Variants in IQCE observed in about 807,000 individuals in gnomAD.
The protein encoded by IQCE is IQ domain-containing protein E.
IQCE carries 115 observed loss-of-function variants against 96.0 expected under a neutral mutation model. That is an observed-to-expected ratio of 1.20 (90% CI 1.03 to 1.40). IQCE has a LOEUF of 1.40. IQCE is among the 40% of genes most tolerant of loss of function. The probability of loss-of-function intolerance (pLI) is 0.00; values close to 1 mark genes in which losing one functional copy is unlikely to be tolerated. For missense variants in IQCE, 1,041 were observed against 909.1 expected, an observed-to-expected ratio of 1.15 and a Z score of -1.87; for synonymous variants, 412 against 371.2, an observed-to-expected ratio of 1.11 and a Z score of -1.26.
chr7:2,598,504 TGCGA>T lies in IQCE; in HGVS notation c.1483_1486del (p.Glu495LysfsTer68). The T allele has an allele frequency of 1.9e-6, 3 of 1,607,046 alleles. No homozygotes were observed. The South Asian group carries it at 3.3e-5, about 18-fold the overall frequency. On this transcript the variant is annotated frameshift_variant, in exon 17 of 22. Coordinates refer to ENST00000402050, the MANE Select transcript of IQCE (RefSeq NM_152558.5). LOFTEE classifies it high-confidence loss of function. ...AGCTCCCACTCCCAGCAGCAGGCAC[TGCGA>T]GCAAGACTGGCCGCCGGATTCCAGC...
chr7:2,601,173 C>T (rs1322593801), intron 17 of IQCE, among the ~76,000 whole-genome samples: 2 of 152,228 alleles, frequency 1.3e-5, no homozygotes, highest in Admixed American at 1.3e-4. Flanking sequence ...GGGACTGGCA[C>T]ACGGCACAGA....
chr7:2,566,807 C>T (rs1051157385), intron 1 of IQCE, among the ~76,000 whole-genome samples: 4 of 152,208 alleles, frequency 2.6e-5, no homozygotes, highest in Non-Finnish European at 5.9e-5. Flanking sequence ...GAAATGCTTT[C>T]AGCAAGAACT....
In IQCE at chr7:2,607,144, C is replaced by T. The variant is rs1478518379; in HGVS notation, c.1886C>T (p.Thr629Ile). Residue 629 changes from threonine to isoleucine, a missense_variant, in exon 21 of 22, where the codon ACC becomes ATC. By Grantham distance (89) the Thr-to-Ile change is moderately conservative. Transcript: ENST00000402050. Reference sequence around the variant, plus strand: ...TCCAGTGCTACCGGTAAAAGAACCACCACCGCAGCTTCTACCAGGAGGAGA... The same window carrying T: ...TCCAGTGCTACCGGTAAAAGAACCATCACCGCAGCTTCTACCAGGAGGAGA... ...ARHSATGKRT[T>I]TAASTRRRSA... 12 of 1,607,010 alleles carry T rather than the reference C, an allele frequency of 7.5e-6. No individual in the cohort carries two copies. The African/African-American group carries it at 1.5e-4, about 20-fold the overall frequency.
chr7:2,593,284 G>A lies in IQCE; in HGVS notation c.1349+158G>A, dbSNP rs187393760. On this transcript the variant is annotated intron_variant, in intron 15 of 21. Coordinates refer to ENST00000402050, the MANE Select transcript of IQCE (RefSeq NM_152558.5). The stretch of plus-strand genomic sequence containing the variant: ...CATGGTTTTCTGTCACCCAGCCCGG[G>A]ACTAACCTCTTGGTGCTGAGCAGGG... Among the ~76,000 whole-genome samples the A allele has an allele frequency of 6.6e-5, 10 of 152,364 alleles. No individual in the cohort carries two copies. The East Asian group carries it at 1.5e-3, about 23-fold the overall frequency.
rs550231568 is a variant in IQCE at position 2,567,522 on chromosome 7, C to G, written c.84+359C>G. 2.0e-5 allele frequency among the ~76,000 whole-genome samples: 3 copies of G among 152,286 alleles called. No individual in the cohort carries two copies. In the South Asian group the frequency reaches 6.2e-4, roughly 32 times the overall value. On this transcript the variant is annotated intron_variant, in intron 2 of 21. Coordinates refer to ENST00000402050, the MANE Select transcript of IQCE (RefSeq NM_152558.5). ...GAAGGACCCGATGGGAGAAAGCAGA[C>G]CTGGGCAGCCGCCATCCCAAGCTGA...
At chr7:2,588,866 A>G (rs965969746) in intron 13 of IQCE, among the ~76,000 whole-genome samples, 1 of 151,300 alleles carries the variant, frequency 6.6e-6, no homozygotes, top group Non-Finnish European at 1.5e-5. Context: ...AGGTTTCACC[A>G]TGTTGGCCAG....
At chr7:2,595,165 G>C (rs889734637) in intron 16 of IQCE, among the ~76,000 whole-genome samples, 189 bp downstream of exon 16, 2 of 152,216 alleles carry the variant, frequency 1.3e-5, no homozygotes, top group Non-Finnish European at 2.9e-5. Context: ...TTAATTGACT[G>C]TCAGCAAATT....
At chr7:2,572,132 AAAACCTCC>A in intron 4 of IQCE, 52 bp from the exon 5 acceptor site, 2 of 1,532,550 alleles carry the variant, frequency 1.3e-6, no homozygotes, top group Non-Finnish European at 1.8e-6. Flanking sequence ...GATTAGAAAC[AAAACCTCC>A]CATTGTGTGT....
chr7:2,573,965 G>A (rs906128244), intron 6 of IQCE, among the ~76,000 whole-genome samples: 7 of 149,934 alleles, frequency 4.7e-5, no homozygotes, highest in Admixed American at 1.3e-4. Context: ...ACTCAGCGAC[G>A]TTAGTGGTCT....
intron 1 of IQCE, among the ~76,000 whole-genome samples, chr7:2,561,177 C>G (rs1780924498): frequency 6.6e-6 from 1 of 151,834 alleles, no homozygotes; most frequent in South Asian, 2.1e-4. Flanking sequence ...AGGCTGGTCT[C>G]TAACTCCTGA....
chr7:2,578,039 G>A (rs1265327931), intron 6 of IQCE, among the ~76,000 whole-genome samples: 5 of 147,710 alleles, frequency 3.4e-5, no homozygotes, highest in Non-Finnish European at 4.5e-5. Flanking sequence ...TGTGTGCGGC[G>A]TGTGCGCATT....
intron 18 of IQCE, 72 bp from the exon 19 acceptor site, chr7:2,604,809 C>T (rs557464474): frequency 2.9e-5 from 30 of 1,037,396 alleles, no homozygotes; most frequent in South Asian, 2.7e-4. Context: ...CTCTCCTCGG[C>T]GCCTCCCTCT....
chr7:2,589,692 G>A (rs145857366), intron 13 of IQCE, among the ~76,000 whole-genome samples: 147 of 152,212 alleles, frequency 9.7e-4, no homozygotes, highest in Middle Eastern at 3.4e-3. Context: ...GGGTCTGCGC[G>A]TGCCTCACTT....
intron 13 of IQCE, among the ~76,000 whole-genome samples, chr7:2,589,171 C>G (rs769202586): frequency 6.6e-6 from 1 of 151,962 alleles, no homozygotes; most frequent in Non-Finnish European, 1.5e-5. Flanking sequence ...AATTTGAAAC[C>G]AGCCTGGGCA....
At chr7:2,582,484 A>G in intron 8 of IQCE, 96 bp from the exon 9 acceptor site, 1 of 965,466 alleles carries the variant, frequency 1.0e-6, no homozygotes, top group Non-Finnish European at 1.6e-6. Context: ...GGGAGGAAGG[A>G]CAGTGAGGTG....
At chr7:2,598,670 A>G (rs1433362172) in intron 17 of IQCE, 38 bp downstream of exon 17, 11 of 1,449,506 alleles carry the variant, frequency 7.6e-6, no homozygotes, top group Non-Finnish European at 1.0e-5. Flanking sequence ...GCTCCCTGTG[A>G]GTCTTCGTGC....
intron 3 of IQCE, among the ~76,000 whole-genome samples, chr7:2,570,865 A>T (rs1398962260): frequency 6.6e-6 from 1 of 152,166 alleles, no homozygotes; most frequent in Non-Finnish European, 1.5e-5. Context: ...CTATGTAGTG[A>T]CATTAAAAAT....
chr7:2,582,103 C>G (rs1583441283), intron 8 of IQCE: 1 of 467,844 alleles, frequency 2.1e-6, no homozygotes, highest in East Asian at 6.9e-5. Flanking sequence ...GAGCTGTTCT[C>G]CCTTCCCCAA....
chr7:2,595,053 TC>T (rs2128463358), intron 16 of IQCE, 77 bp downstream of exon 16: 4 of 1,018,228 alleles, frequency 3.9e-6, no homozygotes, highest in South Asian at 3.8e-5. Flanking sequence ...CGTTTCCCTG[TC>T]CAGAGTTTTT....
Sources: gnomAD v4.1 joint callset for allele counts (sites outside exome capture counted in the v4.1 genomes callset) on GRCh38, gnomAD v4.1.1 for gene constraint, MANE v1.5 for transcripts, NCBI Gene and HGNC (gene_info 2026-07-23, HGNC 2026-07-21) for gene names.